IGFL2: variants seen among roughly 807,000 people sequenced by gnomAD.
IGFL2 encodes insulin growth factor-like family member 2.
A neutral mutation model predicts 13.9 loss-of-function variants in IGFL2; 7 were observed. That is an observed-to-expected ratio of 0.51 (90% CI 0.29 to 0.95). The LOEUF (loss-of-function observed/expected upper bound fraction) is 0.95. Among genes scored for constraint, IGFL2 ranks in the 40% least tolerant of loss-of-function variants. The pLI, the probability that IGFL2 is intolerant of heterozygous loss-of-function variation, is 0.08. For synonymous variants in IGFL2, 55 were observed against 55.8 expected, an observed-to-expected ratio of 0.99 and a Z score of 0.07; for missense variants, 138 against 147.8, an observed-to-expected ratio of 0.93 and a Z score of 0.34.
At chr19:46,167,093 G>A in the IGFL2 span, among the ~76,000 whole-genome samples, 1 of 152,182 alleles carries the variant, frequency 6.6e-6, no homozygotes, top group Non-Finnish European at 1.5e-5. Flanking sequence ...TTTATGTTTA[G>A]AGATTGCAGT....
At chr19:46,187,480 G>A in the IGFL2 span, among the ~76,000 whole-genome samples, 17 of 133,568 alleles carry the variant, frequency 1.3e-4, no homozygotes, top group African/African-American at 3.0e-4. Context: ...GCATTAACCC[G>A]TTTAAACCTG....
chr19:46,172,350 A>G, the IGFL2 span, among the ~76,000 whole-genome samples: 1 of 152,144 alleles, frequency 6.6e-6, no homozygotes, highest in Non-Finnish European at 1.5e-5. Context: ...ACATGGGAAA[A>G]TGATAATAAT....
the IGFL2 span, chr19:46,124,590 G>C: frequency 6.3e-7 from 1 of 1,582,894 alleles, no homozygotes; most frequent in South Asian, 1.1e-5. Context: ...CTGGGAATGA[G>C]ATGAGATGAT....
At chr19:46,091,618 G>A in the IGFL2 span, among the ~76,000 whole-genome samples, 1 of 152,128 alleles carries the variant, frequency 6.6e-6, no homozygotes, top group African/African-American at 2.4e-5. Flanking sequence ...TTCATTGTAG[G>A]TGTAAAACAG....
the IGFL2 span, among the ~76,000 whole-genome samples, chr19:46,080,963 C>T: frequency 1.3e-5 from 2 of 152,210 alleles, no homozygotes; most frequent in African/African-American, 4.8e-5. Flanking sequence ...GGAACCTGAT[C>T]TCCCTGTGCT....
the IGFL2 span, chr19:46,196,344 C>T: frequency 1.6e-5 from 3 of 186,536 alleles, no homozygotes; most frequent in South Asian, 1.9e-4. Context: ...CCCCAAACTA[C>T]ACCTCATCCC....
the IGFL2 span, among the ~76,000 whole-genome samples, chr19:46,188,414 G>A: frequency 6.6e-6 from 1 of 151,444 alleles, no homozygotes; most frequent in Non-Finnish European, 1.5e-5. Context: ...TCCTGTGACC[G>A]CCCCCCCCAC....
the IGFL2 span, among the ~76,000 whole-genome samples, chr19:46,191,293 G>A: frequency 4.6e-5 from 7 of 152,122 alleles, no homozygotes; most frequent in African/African-American, 1.7e-4. Flanking sequence ...ACTGATTTGG[G>A]GTTGGGAGGC....
chr19:46,120,195 T>A, the IGFL2 span: 1 of 1,302,350 alleles, frequency 7.7e-7, no homozygotes, highest in Non-Finnish European at 1.0e-6. Context: ...GCTGGGCTCC[T>A]CTCCAAAGCT....
At chr19:46,139,268 C>T (rs1972747143), upstream of IGFL2, among the ~76,000 whole-genome samples, 1 of 151,088 alleles carries the variant, frequency 6.6e-6, no homozygotes, top group African/African-American at 2.4e-5. Flanking sequence ...TCTTGATGGT[C>T]AGTCCCTTGG....
the IGFL2 span, chr19:46,209,641 A>G: frequency 1.3e-5 from 2 of 152,236 alleles, no homozygotes; most frequent in Non-Finnish European, 2.9e-5. Context: ...AAGCGAAAGC[A>G]AAAATTGTCA....
chr19:46,146,253 A>G (rs1337709251), upstream of IGFL2, among the ~76,000 whole-genome samples: 1 of 151,898 alleles, frequency 6.6e-6, no homozygotes, highest in Non-Finnish European at 1.5e-5. Context: ...CCAAAAGACA[A>G]TTTACTATAT....
chr19:46,130,667 G>C, the IGFL2 span, among the ~76,000 whole-genome samples: 1 of 152,166 alleles, frequency 6.6e-6, no homozygotes, highest in African/African-American at 2.4e-5. Flanking sequence ...CAAGAACTAA[G>C]ATTAGAAGAA....
chr19:46,170,588 T>G, the IGFL2 span, among the ~76,000 whole-genome samples: 246 of 152,284 alleles, frequency 1.6e-3, 2 homozygotes, highest in Admixed American at 3.4e-3. Context: ...GAGCCATATT[T>G]CTCTTATTAC....
At chr19:46,148,216 T>C (rs547230625), upstream of IGFL2, 70 of 1,467,694 alleles carry the variant, frequency 4.8e-5, no homozygotes, top group African/African-American at 8.1e-4. Context: ...CCTACATAAG[T>C]CCCTGTATAA....
the IGFL2 span, among the ~76,000 whole-genome samples, chr19:46,079,467 G>A: frequency 2.0e-5 from 3 of 152,136 alleles, no homozygotes; most frequent in African/African-American, 7.2e-5. Flanking sequence ...CATCCTCCTC[G>A]CGGATTGGAG....
intron 1 of IGFL2, among the ~76,000 whole-genome samples, chr19:46,154,218 G>T (rs1477539806): frequency 6.6e-6 from 1 of 152,052 alleles, no homozygotes; most frequent in African/African-American, 2.4e-5. Flanking sequence ...CTTCTGGCCC[G>T]TCTGCCTCTG....
At chr19:46,095,705 G>A in the IGFL2 span, among the ~76,000 whole-genome samples, 1 of 152,116 alleles carries the variant, frequency 6.6e-6, no homozygotes, top group African/African-American at 2.4e-5. Context: ...GTTAATTTTT[G>A]TGTAAGATGT....
At chr19:46,104,834 A>C in the IGFL2 span, among the ~76,000 whole-genome samples, 1 of 152,184 alleles carries the variant, frequency 6.6e-6, no homozygotes, top group East Asian at 1.9e-4. Context: ...TACATGGAAG[A>C]GGTTCTGAAA....
Sources: gnomAD v4.1 joint callset for allele counts (sites outside exome capture counted in the v4.1 genomes callset) on GRCh38, gnomAD v4.1.1 for gene constraint, MANE v1.5 for transcripts, NCBI Gene and HGNC (gene_info 2026-07-23, HGNC 2026-07-21) for gene names.